The following USP37 variants were observed in gnomAD, a reference collection of about 807,000 sequenced individuals.
USP37 encodes ubiquitin specific peptidase 37, also known as ubiquitin carboxyl-terminal hydrolase 37.
USP37 carries 27 observed loss-of-function variants against 124.0 expected under a neutral mutation model. The ratio of observed to expected loss-of-function variants is 0.22; its 90% CI spans 0.16 to 0.30. The LOEUF (loss-of-function observed/expected upper bound fraction) is 0.30, where lower values mean the gene tolerates loss of function less well. Ranked by LOEUF, USP37 falls within the 10% of genes least tolerant of loss-of-function variation. The pLI is 1.00. For synonymous variants in USP37, 365 were observed against 388.0 expected, an observed-to-expected ratio of 0.94 and a Z score of 0.70; for missense variants, 889 against 1,140.4, an observed-to-expected ratio of 0.78 and a Z score of 3.17.
intron 24 of USP37, 43 bp from the exon 25 acceptor site, chr2:218,455,761 A>T: frequency 6.3e-7 from 1 of 1,599,722 alleles, no homozygotes; most frequent in Non-Finnish European, 8.5e-7. Context: ...TTAAAAACAC[A>T]CCGAAGCTGG....
At position 218,495,805 on chromosome 2, in the gene USP37, A is replaced by G. The variant is rs1291137027; in HGVS notation, c.1427T>C (p.Ile476Thr). Residue 476 changes from isoleucine (I) to threonine (T), a missense_variant, in exon 14 of 26, where the codon ATT becomes ACT. Around this residue, in one of 3 missense-constraint regions of USP37, gnomAD observed 504 missense variants for 714.3 expected, o/e 0.71. Transcript: ENST00000258399. Reference sequence around the variant, plus strand: ...CTGAACCTCAAACTCCAAATTAGTAATAACAGGGCAAGTGTATGCTCTGGT... The same window carrying G: ...CTGAACCTCAAACTCCAAATTAGTAGTAACAGGGCAAGTGTATGCTCTGGT... ...SATRAYTCPVITNLEFEVQHS... is the reference protein window; with the variant it reads ...SATRAYTCPVTTNLEFEVQHS... 6.2e-7 allele frequency: 1 copy of G among 1,613,738 alleles called. No homozygotes were observed. The highest frequency in any genetic ancestry group is 1.1e-5 in the South Asian group (1 of 91,022).
At chr2:218,516,130 G>A (rs151249433) in intron 10 of USP37, among the ~76,000 whole-genome samples, 3,311 of 152,208 alleles carry the variant, frequency 0.022, 121 homozygotes, top group African/African-American at 0.073. Context: ...ACAGCATGGC[G>A]ATTCCTCAAG....
intron 16 of USP37, among the ~76,000 whole-genome samples, chr2:218,485,207 AT>A (rs1281910697): frequency 6.6e-6 from 1 of 152,206 alleles, no homozygotes; most frequent in African/African-American, 2.4e-5. Context: ...GCTAGTTCTT[AT>A]AATTATTCCA....
intron 7 of USP37, 39 bp from the exon 8 acceptor site, chr2:218,546,337 C>T (rs368458002): frequency 6.9e-7 from 1 of 1,443,676 alleles, no homozygotes; most frequent in African/African-American, 1.4e-5. Flanking sequence ...TAAAAAGCCA[C>T]AATTCATATC....
intron 21 of USP37, 50 bp from the exon 22 acceptor site, chr2:218,463,416 ACT>A (rs764086151): frequency 2.3e-5 from 35 of 1,540,590 alleles, no homozygotes; most frequent in Admixed American, 3.4e-5. Flanking sequence ...TACTGATTAA[ACT>A]TACTTAATGA....
chr2:218,559,489 T>C (rs1693203554), intron 3 of USP37, among the ~76,000 whole-genome samples: 1 of 152,186 alleles, frequency 6.6e-6, no homozygotes, highest in Non-Finnish European at 1.5e-5. Context: ...ACCAAGTTAT[T>C]TGACCTCCAG....
At chr2:218,556,287 T>C (rs1359681334) in intron 4 of USP37, among the ~76,000 whole-genome samples, 1 of 152,106 alleles carries the variant, frequency 6.6e-6, no homozygotes, top group Non-Finnish European at 1.5e-5. Flanking sequence ...CACTTCCAGT[T>C]TGGCCAGAAA....
chr2:218,500,643 TGG>T (rs1689328064), intron 11 of USP37: 1 of 152,260 alleles, frequency 6.6e-6, no homozygotes, highest in African/African-American at 2.4e-5. Flanking sequence ...CCCAGAGTGC[TGG>T]GATTACAGGT....
At chr2:218,554,243 T>C (rs1265464185) in intron 4 of USP37, among the ~76,000 whole-genome samples, 5 of 152,236 alleles carry the variant, frequency 3.3e-5, no homozygotes, top group Non-Finnish European at 1.5e-5. Context: ...CTAGTTTCAT[T>C]TCTTAGTCAC....
intron 20 of USP37, among the ~76,000 whole-genome samples, chr2:218,472,155 G>A (rs964166324): frequency 6.6e-6 from 1 of 151,958 alleles, no homozygotes; most frequent in South Asian, 2.1e-4. Context: ...AACTTCTTAC[G>A]TAGCAGCTTA....
intron 15 of USP37, chr2:218,486,392 C>T (rs186238060): frequency 1.3e-5 from 2 of 152,298 alleles, no homozygotes; most frequent in East Asian, 3.9e-4. Flanking sequence ...TAGAGCTCAA[C>T]GTTCACCATT....
intron 5 of USP37, among the ~76,000 whole-genome samples, chr2:218,551,041 C>T (rs1692640932): frequency 6.6e-6 from 1 of 151,964 alleles, no homozygotes; most frequent in Admixed American, 6.6e-5. Context: ...GTACTTTTTA[C>T]AATACTTTTA....
intron 10 of USP37, among the ~76,000 whole-genome samples, chr2:218,520,213 A>G (rs1234072494): frequency 6.6e-6 from 1 of 152,088 alleles, no homozygotes; most frequent in South Asian, 2.1e-4. Context: ...AAGTACTGGG[A>G]TTATAGACAT....
intron 10 of USP37, among the ~76,000 whole-genome samples, 165 bp downstream of exon 10, chr2:218,529,791 T>C (rs963815407): frequency 2.0e-5 from 3 of 152,202 alleles, no homozygotes; most frequent in Non-Finnish European, 4.4e-5. Flanking sequence ...TCAGCTCATT[T>C]CTAGAATACT....
chr2:218,536,908 A>G (rs1691678244), intron 8 of USP37, among the ~76,000 whole-genome samples: 1 of 152,176 alleles, frequency 6.6e-6, no homozygotes, highest in Admixed American at 6.5e-5. Context: ...ATTTTCACCT[A>G]TGGTGAATTA....
rs1467051464 is a variant in USP37 at position 218,553,585 on chromosome 2, A to C, written c.296T>G (p.Leu99Arg). The C allele has an allele frequency of 1.2e-6, 2 of 1,613,730 alleles. No homozygotes were observed. The highest frequency in any genetic ancestry group is 1.7e-6 in the Non-Finnish European group (2 of 1,179,866). ...SKDAEEMRLF[L>R]DAVHQNRLPA... ...AAGTCTGTTTTGATGGACTGCATCT[A>C]GAAACAACCTCATTTCCTCTGCATC... The change falls in exon 5 of 26, where the codon CTA becomes CGA. Residue 99 changes from leucine to arginine, a missense_variant. Leu to Arg is a moderately radical substitution (Grantham distance 102). Around this residue, in one of 3 missense-constraint regions of USP37, gnomAD observed 374 missense variants for 386.0 expected, o/e 0.97. Transcript: ENST00000258399.
chr2:218,487,378 A>C (rs895526315), intron 15 of USP37, among the ~76,000 whole-genome samples: 3 of 152,242 alleles, frequency 2.0e-5, no homozygotes, highest in East Asian at 3.8e-4. Flanking sequence ...ACCAAATTTT[A>C]GAATATGTTA....
chr2:218,516,789 T>C (rs1690310834), intron 10 of USP37, among the ~76,000 whole-genome samples: 1 of 152,172 alleles, frequency 6.6e-6, no homozygotes, highest in Non-Finnish European at 1.5e-5. Flanking sequence ...CCCCCCCTAG[T>C]GGACTGAGCT....
intron 4 of USP37, among the ~76,000 whole-genome samples, chr2:218,554,523 G>GATC (rs1291847994): frequency 2.0e-5 from 3 of 152,136 alleles, no homozygotes; most frequent in Admixed American, 6.5e-5. Flanking sequence ...GAGGCAGGCA[G>GATC]ATCACCTGAG....
Sources: gnomAD v4.1 joint callset for allele counts (sites outside exome capture counted in the v4.1 genomes callset) on GRCh38, gnomAD v4.1.1 for gene constraint, gnomAD v4.1.1 regional missense constraint, MANE v1.5 for transcripts, NCBI Gene and HGNC (gene_info 2026-07-23, HGNC 2026-07-21) for gene names.